MYO1D: variants seen among roughly 807,000 people sequenced by gnomAD.
MYO1D encodes unconventional myosin-Id.
Under a neutral mutation model 122.0 loss-of-function variants are expected in MYO1D, and 83 were observed. The ratio of observed to expected loss-of-function variants is 0.68; its 90% CI spans 0.57 to 0.82. The LOEUF (loss-of-function observed/expected upper bound fraction) is 0.82, where lower values mean the gene tolerates loss of function less well. MYO1D is among the 40% of genes least tolerant of loss of function. The pLI is 0.00. For missense variants in MYO1D, 1,157 were observed against 1,269.5 expected (o/e 0.91, Z 1.35); for synonymous variants, 464 against 446.9 (o/e 1.04, Z -0.48).
At chr17:32,633,152 G>C (rs1047544544) in intron 20 of MYO1D, among the ~76,000 whole-genome samples, 3 of 140,946 alleles carry the variant, frequency 2.1e-5, no homozygotes, top group African/African-American at 8.3e-5. Context: ...CAAATTCAAT[G>C]AATTTTTAAG....
At chr17:32,840,000 G>C (rs1000685000) in intron 1 of MYO1D, among the ~76,000 whole-genome samples, 4 of 152,144 alleles carry the variant, frequency 2.6e-5, no homozygotes, top group African/African-American at 4.8e-5. Context: ...TTACACAAAA[G>C]ATCTTGTTTC....
intron 16 of MYO1D, among the ~76,000 whole-genome samples, chr17:32,681,502 G>A (rs1222169230): frequency 4.0e-5 from 6 of 148,724 alleles, no homozygotes; most frequent in Admixed American, 1.3e-4. Context: ...CCTTCATTTC[G>A]TTATGTACCC....
intron 21 of MYO1D, among the ~76,000 whole-genome samples, chr17:32,591,783 C>A (rs763932653): frequency 1.2e-4 from 19 of 152,156 alleles, no homozygotes; most frequent in Non-Finnish European, 2.6e-4. Context: ...GGCCATCAAG[C>A]TTGAGCATAG....
intron 11 of MYO1D, among the ~76,000 whole-genome samples, chr17:32,753,767 A>G (rs2089921010): frequency 6.6e-6 from 1 of 152,042 alleles, no homozygotes; most frequent in Admixed American, 6.5e-5. Context: ...GCATGATGGC[A>G]GGTGCCTGTA....
intron 1 of MYO1D, among the ~76,000 whole-genome samples, chr17:32,823,973 A>T (rs2090698425): frequency 6.6e-6 from 1 of 150,422 alleles, no homozygotes; most frequent in African/African-American, 2.5e-5. Flanking sequence ...AGGCTGAGGC[A>T]TGAGAATGGT....
rs559388565 is a variant in MYO1D at position 32,649,173 on chromosome 17, TA to T, written c.2595+4669del. On this transcript the variant is annotated intron_variant, in intron 19 of 21. Coordinates refer to ENST00000318217, the MANE Select transcript of MYO1D (RefSeq NM_015194.3). ...AAGTAGCCAATTGTGTTTTTTCATT[TA>T]AAAAATTCGGTAAAATACACATAAC... Among the ~76,000 whole-genome samples, 115 of 152,356 alleles carry T rather than the reference TA, an allele frequency of 7.5e-4. 1 individual carries two copies. In the East Asian group the frequency reaches 0.02, roughly 27 times the overall value.
At chr17:32,546,111 C>G (rs1485671629) in intron 21 of MYO1D, among the ~76,000 whole-genome samples, 3 of 152,142 alleles carry the variant, frequency 2.0e-5, no homozygotes, top group East Asian at 3.9e-4. Flanking sequence ...CCTTCACACA[C>G]CCGCCCTGGA....
intron 21 of MYO1D, among the ~76,000 whole-genome samples, chr17:32,574,957 T>C (rs544929296): frequency 1.3e-5 from 2 of 152,314 alleles, no homozygotes; most frequent in African/African-American, 4.8e-5. Flanking sequence ...TGAGGATAAA[T>C]ATGTCTACCT....
At chr17:32,831,554 T>C (rs1463365438) in intron 1 of MYO1D, among the ~76,000 whole-genome samples, 1 of 152,234 alleles carries the variant, frequency 6.6e-6, no homozygotes, top group Non-Finnish European at 1.5e-5. Context: ...TCCACTAATT[T>C]GTTTTTAGAA....
intron 14 of MYO1D, among the ~76,000 whole-genome samples, chr17:32,736,623 T>C (rs529128526): frequency 9.2e-5 from 14 of 152,392 alleles, no homozygotes; most frequent in Admixed American, 3.3e-4. Flanking sequence ...AGAAGGTGAA[T>C]GCAATTCCTG....
chr17:32,544,075 G>A (rs748183005), intron 21 of MYO1D, among the ~76,000 whole-genome samples: 2 of 151,178 alleles, frequency 1.3e-5, no homozygotes, highest in African/African-American at 4.9e-5. Flanking sequence ...CTACAGGTGT[G>A]AGCCACCGCG....
At chr17:32,859,093 T>C (rs1000087749) in intron 1 of MYO1D, among the ~76,000 whole-genome samples, 4 of 152,360 alleles carry the variant, frequency 2.6e-5, no homozygotes, top group Non-Finnish European at 5.9e-5. Flanking sequence ...AAGGTATCAC[T>C]GCTCCCAGGT....
rs75196587 is a variant in MYO1D, at chr17:32,829,464, T to C, written c.95+47314A>G. On this transcript the variant is annotated intron_variant, in intron 1 of 21. Transcript: ENST00000318217. ...AGTCTCATGCTGTTCTTTTCTGTTT[T>C]GTTTTTGGAGACAGAGTCTTGCTCT... 1.1e-3 allele frequency among the ~76,000 whole-genome samples: 165 copies of C among 152,374 alleles called. 1 individual carries two copies. In the East Asian group the frequency reaches 0.029, roughly 27 times the overall value.
chr17:32,654,494 C>T lies in MYO1D; in HGVS notation c.2473G>A (p.Gly825Ser). Reference protein sequence around the residue: ...ADLGLQRAWEGNYLASKPDTP... With the variant: ...ADLGLQRAWESNYLASKPDTP... ...GGACTTACTGAAGCAAGATAGTTGC[C>T]CTCCCAGGCCCTCTGGAGCCCGAGG... The change falls in exon 18 of 22, where the codon GGC becomes AGC. Residue 825 changes from glycine (G) to serine (S), a missense_variant. By Grantham distance (56) the Gly-to-Ser change is moderately conservative (BLOSUM62 0). Coordinates refer to ENST00000318217, the MANE Select transcript of MYO1D (RefSeq NM_015194.3). The T allele has an allele frequency of 1.2e-6, 2 of 1,612,370 alleles. No homozygotes were observed. Among genetic ancestry groups the T allele is most frequent in the Non-Finnish European group, 1.7e-6 (2 of 1,179,302 alleles).
At chr17:32,747,791 C>T (rs1317370842) in intron 12 of MYO1D, among the ~76,000 whole-genome samples, 2 of 151,460 alleles carry the variant, frequency 1.3e-5, no homozygotes, top group African/African-American at 2.4e-5. Flanking sequence ...GAGCTGAGAT[C>T]GCACCACTGG....
At chr17:32,834,481 A>G (rs1214786201) in intron 1 of MYO1D, among the ~76,000 whole-genome samples, 2 of 152,118 alleles carry the variant, frequency 1.3e-5, no homozygotes, top group African/African-American at 4.8e-5. Flanking sequence ...CTTCTCCCTC[A>G]CCTTCCAAAA....
intron 14 of MYO1D, among the ~76,000 whole-genome samples, chr17:32,721,455 A>C (rs2089509843): frequency 6.6e-6 from 1 of 152,236 alleles, no homozygotes; most frequent in Non-Finnish European, 1.5e-5. Flanking sequence ...GAAGTAAATA[A>C]CAGAGACGTA....
chr17:32,659,490 C>T, intron 16 of MYO1D, 152 bp from the exon 17 acceptor site: 1 of 680,990 alleles, frequency 1.5e-6, no homozygotes, highest in Non-Finnish European at 2.5e-6. Context: ...GTCAGTTCCA[C>T]CTGCCACCAA....
At chr17:32,520,189 CTG>C (rs1426225892) in intron 21 of MYO1D, among the ~76,000 whole-genome samples, 4 of 152,146 alleles carry the variant, frequency 2.6e-5, no homozygotes, top group African/African-American at 9.7e-5. Context: ...GCTCATGAGA[CTG>C]TACTCTGTGA....
Sources: gnomAD v4.1 joint callset for allele counts (sites outside exome capture counted in the v4.1 genomes callset) on GRCh38, gnomAD v4.1.1 for gene constraint, MANE v1.5 for transcripts, NCBI Gene and HGNC (gene_info 2026-07-23, HGNC 2026-07-21) for gene names.